Variants in CNTNAP5 observed in about 807,000 individuals in gnomAD.
CNTNAP5 encodes contactin-associated protein-like 5.
Under a neutral mutation model 150.2 loss-of-function variants are expected in CNTNAP5, and 72 were observed. The ratio of observed to expected loss-of-function variants is 0.48; its 90% CI spans 0.40 to 0.58. The LOEUF (loss-of-function observed/expected upper bound fraction) is 0.58. Among genes scored for constraint, CNTNAP5 ranks in the 20% least tolerant of loss-of-function variants. The pLI is 0.00. For missense variants in CNTNAP5, 1,636 were observed against 1,626.2 expected, an observed-to-expected ratio of 1.01 and a Z score of -0.10; for synonymous variants, 672 against 619.8, an observed-to-expected ratio of 1.08 and a Z score of -1.25.
intron 3 of CNTNAP5, among the ~76,000 whole-genome samples, chr2:124,370,156 C>G (rs1192637672): frequency 2.0e-5 from 3 of 152,118 alleles, no homozygotes; most frequent in African/African-American, 7.2e-5. Flanking sequence ...GGGATTCAAA[C>G]AATTATCAAG....
At chr2:124,400,697 T>G (rs1691398765) in intron 3 of CNTNAP5, among the ~76,000 whole-genome samples, 2 of 151,062 alleles carry the variant, frequency 1.3e-5, no homozygotes, top group Admixed American at 6.6e-5. Flanking sequence ...TTGTTTTTTT[T>G]CTTTAGTGGA....
At chr2:124,690,643 CT>C (rs1421960617) in intron 13 of CNTNAP5, among the ~76,000 whole-genome samples, 2 of 152,008 alleles carry the variant, frequency 1.3e-5, no homozygotes, top group Non-Finnish European at 2.9e-5. Flanking sequence ...TTCCTCTACA[CT>C]TCCCCTAACC....
At chr2:124,194,604 A>G (rs1437791340) in intron 1 of CNTNAP5, among the ~76,000 whole-genome samples, 1 of 150,844 alleles carries the variant, frequency 6.6e-6, no homozygotes, top group African/African-American at 2.4e-5. Flanking sequence ...TATTATTTGG[A>G]AAAACTGAAT....
At chr2:124,609,457 G>T (rs2104983668) in intron 11 of CNTNAP5, among the ~76,000 whole-genome samples, 1 of 152,130 alleles carries the variant, frequency 6.6e-6, no homozygotes, top group Non-Finnish European at 1.5e-5. Flanking sequence ...AGTCAGGGTG[G>T]TGGCTCACAC....
intron 11 of CNTNAP5, among the ~76,000 whole-genome samples, chr2:124,584,494 T>G (rs536149288): frequency 6.6e-6 from 1 of 152,202 alleles, no homozygotes; most frequent in Non-Finnish European, 1.5e-5. Context: ...GTGTAGCTCA[T>G]GGCATATTTG....
chr2:124,569,208 T>G (rs562261252), intron 11 of CNTNAP5, among the ~76,000 whole-genome samples: 1 of 152,276 alleles, frequency 6.6e-6, no homozygotes, highest in African/African-American at 2.4e-5. Flanking sequence ...CTTATTACGG[T>G]TTACACTCTG....
intron 2 of CNTNAP5, among the ~76,000 whole-genome samples, chr2:124,237,366 T>C (rs1440355583): frequency 6.6e-6 from 1 of 152,194 alleles, no homozygotes; most frequent in African/African-American, 2.4e-5. Flanking sequence ...GAAATAAGTG[T>C]AGAAACTGAG....
chr2:124,528,292 C>T (rs1031233575), intron 10 of CNTNAP5, among the ~76,000 whole-genome samples: 1 of 152,138 alleles, frequency 6.6e-6, no homozygotes, highest in Admixed American at 6.5e-5. Context: ...AGATAAATGA[C>T]CAAGAAATGC....
At chr2:124,206,766 G>A (rs1685874873) in intron 1 of CNTNAP5, among the ~76,000 whole-genome samples, 2 of 152,108 alleles carry the variant, frequency 1.3e-5, no homozygotes, top group South Asian at 4.1e-4. Flanking sequence ...TCTGTCCCAG[G>A]GAGTACCCTA....
chr2:124,726,776 T>G (rs1680165087), intron 13 of CNTNAP5, among the ~76,000 whole-genome samples: 1 of 151,994 alleles, frequency 6.6e-6, no homozygotes, highest in African/African-American at 2.4e-5. Flanking sequence ...TCCCCTGTAT[T>G]CCATAGGATA....
At chr2:124,907,238 G>T (rs1488767472) in intron 22 of CNTNAP5, among the ~76,000 whole-genome samples, 3 of 152,032 alleles carry the variant, frequency 2.0e-5, no homozygotes, top group Non-Finnish European at 4.4e-5. Flanking sequence ...AAGGAAATAT[G>T]TAAGTTAAAA....
intron 11 of CNTNAP5, among the ~76,000 whole-genome samples, chr2:124,580,602 A>C (rs185556548): frequency 5.3e-5 from 8 of 152,300 alleles, no homozygotes; most frequent in African/African-American, 1.4e-4. Context: ...TTTTCTTTTA[A>C]CAAGTGCTTG....
At chr2:124,115,697 G>A (rs556364244) in intron 1 of CNTNAP5, among the ~76,000 whole-genome samples, 3 of 120,952 alleles carry the variant, frequency 2.5e-5, no homozygotes, top group Non-Finnish European at 4.9e-5. Flanking sequence ...CTCCCAGGTT[G>A]ACGTGAGGTG....
chr2:124,912,517 T>C (rs1678677888), intron 23 of CNTNAP5, among the ~76,000 whole-genome samples: 1 of 152,020 alleles, frequency 6.6e-6, no homozygotes, highest in African/African-American at 2.4e-5. Context: ...AGAGGTGCAC[T>C]CCTGAGAACA....
At chr2:124,821,005 C>T (rs1245360718) in intron 19 of CNTNAP5, among the ~76,000 whole-genome samples, 1 of 152,210 alleles carries the variant, frequency 6.6e-6, no homozygotes, top group African/African-American at 2.4e-5. Context: ...TGCTCACAGG[C>T]TCTTTGTCAA....
rs76318787 is a variant in CNTNAP5, at chr2:124,730,301, C to T, written c.2078-16928C>T. ...ACATCTTTTAATGAGAATGGTGTTT[C>T]GTGTAGTATACAGGTGTGCGCGTGT... On this transcript the variant is annotated intron_variant, in intron 13 of 23. Coordinates refer to ENST00000682447, the MANE Select transcript of CNTNAP5 (RefSeq NM_001367498.1). Among the ~76,000 whole-genome samples, 563 of 151,248 alleles carry T rather than the reference C, an allele frequency of 3.7e-3. 14 individuals are homozygous for T. The East Asian group carries it at 0.061, about 16-fold the overall frequency.
chr2:124,372,262 C>CA (rs1432490172), intron 3 of CNTNAP5, among the ~76,000 whole-genome samples: 1 of 152,004 alleles, frequency 6.6e-6, no homozygotes, highest in Non-Finnish European at 1.5e-5. Flanking sequence ...CCTTCAGCCT[C>CA]ATACTGGGGA....
Position 124,764,160 on chromosome 2 carries a change from A to G in CNTNAP5, c.2533+13A>G. On this transcript the variant is annotated intron_variant, in intron 16 of 23. Transcript: ENST00000682447. ...CTCGAAATAAGCTGTAAGTGCCCTC[A>G]ATTATGAATTTAATGTAACTGATCA... 1.9e-6 allele frequency: 3 copies of G among 1,604,982 alleles called. No homozygotes were observed. Among genetic ancestry groups the G allele is most frequent in the Non-Finnish European group, 2.6e-6 (3 of 1,172,868 alleles).
At chr2:124,485,122 A>G (rs112503259) in intron 7 of CNTNAP5, among the ~76,000 whole-genome samples, 1 of 146,722 alleles carries the variant, frequency 6.8e-6, no homozygotes, top group East Asian at 2.0e-4. Flanking sequence ...CAAAAAAAAA[A>G]TTATATAAAA....
Sources: allele counts gnomAD v4.1 joint callset (sites outside exome capture counted in the v4.1 genomes callset), GRCh38; gene constraint gnomAD v4.1.1; transcripts MANE v1.5; gene names NCBI Gene and HGNC (gene_info 2026-07-23, HGNC 2026-07-21).